TASP1: variants seen among roughly 807,000 people sequenced by gnomAD.
TASP1 encodes taspase 1, also known as threonine aspartase 1.
TASP1 carries 16 observed loss-of-function variants against 56.6 expected under a neutral mutation model. The ratio of observed to expected loss-of-function variants is 0.28; its 90% CI spans 0.19 to 0.43. The LOEUF (loss-of-function observed/expected upper bound fraction) is 0.43, where lower values mean the gene tolerates loss of function less well. Among genes scored for constraint, TASP1 ranks in the 20% least tolerant of loss-of-function variants. The pLI is 1.00. For missense variants in TASP1, 393 were observed against 511.6 expected, an observed-to-expected ratio of 0.77 and a Z score of 2.24; for synonymous variants, 179 against 184.2, an observed-to-expected ratio of 0.97 and a Z score of 0.23.
chr20:13,606,318 T>G (rs1467822828), intron 4 of TASP1, among the ~76,000 whole-genome samples: 1 of 152,188 alleles, frequency 6.6e-6, no homozygotes, highest in African/African-American at 2.4e-5. Context: ...TTCATTCATG[T>G]CTCTGTTCAA....
the TASP1 span, among the ~76,000 whole-genome samples, chr20:13,323,834 T>C: frequency 2.6e-5 from 4 of 152,204 alleles, no homozygotes; most frequent in South Asian, 8.3e-4. Context: ...CAACAGAAAA[T>C]CATTGGTTTA....
chr20:13,194,880 A>G, the TASP1 span, among the ~76,000 whole-genome samples: 1 of 152,248 alleles, frequency 6.6e-6, no homozygotes, highest in African/African-American at 2.4e-5. Context: ...CTACCAACTA[A>G]GGCTCATCCC....
intron 3 of TASP1, among the ~76,000 whole-genome samples, chr20:13,624,883 T>C (rs1207572896): frequency 1.4e-5 from 2 of 144,042 alleles, no homozygotes; most frequent in South Asian, 2.1e-4. Flanking sequence ...TTTAAGCTGT[T>C]TTCTCTATCC....
At chr20:13,362,618 C>T in the TASP1 span, among the ~76,000 whole-genome samples, 1 of 151,656 alleles carries the variant, frequency 6.6e-6, no homozygotes, top group Admixed American at 6.6e-5. Context: ...CCTGCCTGCA[C>T]CCAGGTGAAA....
the TASP1 span, among the ~76,000 whole-genome samples, chr20:13,220,345 C>T: frequency 2.6e-5 from 4 of 152,196 alleles, no homozygotes; most frequent in Non-Finnish European, 4.4e-5. Flanking sequence ...CGCCCTCAGC[C>T]GGATCCCAGA....
At chr20:13,564,988 C>G (rs1340023458) in intron 7 of TASP1, among the ~76,000 whole-genome samples, 1 of 119,378 alleles carries the variant, frequency 8.4e-6, no homozygotes, top group East Asian at 2.4e-4. Context: ...GCCTGGGCAA[C>G]AGAGTAAGAC....
intron 5 of TASP1, among the ~76,000 whole-genome samples, chr20:13,585,054 T>C (rs1027153151): frequency 6.6e-6 from 1 of 151,972 alleles, no homozygotes; most frequent in Non-Finnish European, 1.5e-5. Flanking sequence ...CATAACAGGG[T>C]ACAGAAACAA....
At chr20:13,614,447 T>C (rs181407725) in intron 4 of TASP1, among the ~76,000 whole-genome samples, 17 of 152,316 alleles carry the variant, frequency 1.1e-4, no homozygotes, top group Non-Finnish European at 1.0e-4. Context: ...ATGTTAATAT[T>C]TGTTCATTAG....
the TASP1 span, among the ~76,000 whole-genome samples, chr20:13,306,564 CAAAA>C: frequency 1.6e-3 from 101 of 63,906 alleles, no homozygotes; most frequent in African/African-American, 5.4e-3. Flanking sequence ...GGAGAAAGGA[CAAAA>C]AAAAAAAAAA....
the TASP1 span, among the ~76,000 whole-genome samples, chr20:13,211,552 T>TGTTATCTCA: frequency 5.3e-5 from 8 of 152,318 alleles, no homozygotes; most frequent in South Asian, 2.1e-4. Flanking sequence ...TCAGTACTTC[T>TGTTATCTCA]GTTATCTCAG....
At chr20:13,510,255 CAGAA>C (rs2044279547) in intron 10 of TASP1, among the ~76,000 whole-genome samples, 1 of 152,002 alleles carries the variant, frequency 6.6e-6, no homozygotes, top group Non-Finnish European at 1.5e-5. Flanking sequence ...ACTTATTGAA[CAGAA>C]AGAGTTTATT....
At chr20:13,131,828 C>T in the TASP1 span, among the ~76,000 whole-genome samples, 4 of 152,148 alleles carry the variant, frequency 2.6e-5, no homozygotes, top group African/African-American at 9.7e-5. Context: ...TGTCACTTCC[C>T]CACTGAGAAC....
chr20:13,569,629 T>C, intron 6 of TASP1, 43 bp from the exon 7 acceptor site: 2 of 1,511,808 alleles, frequency 1.3e-6, no homozygotes, highest in Non-Finnish European at 1.8e-6. Flanking sequence ...AGTGTCATCT[T>C]CTCCTACATA....
the TASP1 span, among the ~76,000 whole-genome samples, chr20:13,330,921 A>G: frequency 6.6e-6 from 1 of 152,140 alleles, no homozygotes; most frequent in African/African-American, 2.4e-5. Context: ...GCTAGAGTTC[A>G]TAAATTTTAC....
chr20:13,192,091 G>T, the TASP1 span, among the ~76,000 whole-genome samples: 2 of 152,156 alleles, frequency 1.3e-5, no homozygotes, highest in African/African-American at 4.8e-5. Flanking sequence ...CTAGAATTCT[G>T]TATCCAAAGA....
At chr20:13,417,057 G>C (rs2042279639) in intron 13 of TASP1, among the ~76,000 whole-genome samples, 1 of 152,204 alleles carries the variant, frequency 6.6e-6, no homozygotes, top group South Asian at 2.1e-4. Flanking sequence ...GTTAAAGCTT[G>C]TTTGACTCAG....
intron 4 of TASP1, among the ~76,000 whole-genome samples, chr20:13,601,865 ATTCT>A (rs2047970350): frequency 9.8e-6 from 1 of 102,300 alleles, no homozygotes; most frequent in African/African-American, 3.7e-5. Context: ...CCATAACCCC[ATTCT>A]TTTTTTTTTT....
At chr20:13,433,520 C>CAAAAAGAAAAAAAAAAAAAAA (rs2042886288) in intron 12 of TASP1, among the ~76,000 whole-genome samples, 1 of 89,214 alleles carries the variant, frequency 1.1e-5, no homozygotes, top group African/African-American at 4.8e-5. Context: ...GACAGTATGG[C>CAAAAAGAAAAAAAAAAAAAAA]AAAAAAAAAA....
intron 4 of TASP1, among the ~76,000 whole-genome samples, chr20:13,598,593 T>C (rs940396193): frequency 6.6e-6 from 1 of 152,160 alleles, no homozygotes; most frequent in Admixed American, 6.5e-5. Flanking sequence ...GAAGAAAACC[T>C]AGGCAATACC....
Sources: allele counts gnomAD v4.1 joint callset (sites outside exome capture counted in the v4.1 genomes callset), GRCh38; gene constraint gnomAD v4.1.1; transcripts MANE v1.5; gene names NCBI Gene and HGNC (gene_info 2026-07-23, HGNC 2026-07-21).